LARS2: variants seen among roughly 807,000 people sequenced by gnomAD.
LARS2 encodes leucine--tRNA ligase, mitochondrial.
Under a neutral mutation model 116.6 loss-of-function variants are expected in LARS2, and 81 were observed. That is an observed-to-expected ratio of 0.69 (90% CI 0.58 to 0.84). The LOEUF (loss-of-function observed/expected upper bound fraction) is 0.84, where lower values mean the gene tolerates loss of function less well. Ranked by LOEUF, LARS2 falls within the 40% of genes least tolerant of loss-of-function variation. The pLI is 0.00. For synonymous variants in LARS2, 396 were observed against 407.2 expected (o/e 0.97, Z 0.33); for missense variants, 968 against 1,114.5 (o/e 0.87, Z 1.87).
At position 45,539,725 on chromosome 3, in the gene LARS2, A is replaced by T. The variant is rs961208614; in HGVS notation, c.2405-2104A>T. Among the ~76,000 whole-genome samples, 5 of 152,022 alleles carry T rather than the reference A, an allele frequency of 3.3e-5. No homozygotes were observed. In the East Asian group the frequency reaches 9.6e-4, roughly 29 times the overall value. ...CCAATGTTATTACTATTTTATTGCA[A>T]CTGATATTATTACTATTTCCTTCCA... On this transcript the variant is annotated intron_variant, in intron 20 of 21. Coordinates refer to ENST00000645846, the MANE Select transcript of LARS2 (RefSeq NM_015340.4).
chr3:45,496,825 C>A (rs1364862903), intron 14 of LARS2, among the ~76,000 whole-genome samples: 2 of 152,260 alleles, frequency 1.3e-5, no homozygotes, highest in African/African-American at 4.8e-5. Context: ...CACCTCGGAA[C>A]AGGCTCTCTT....
intron 12 of LARS2, among the ~76,000 whole-genome samples, chr3:45,490,776 G>A (rs560966007): frequency 3.9e-5 from 6 of 152,272 alleles, no homozygotes; most frequent in South Asian, 4.2e-4. Flanking sequence ...GAGGGTACCC[G>A]CAATCCAGGT....
At chr3:45,395,992 C>T (rs1338757770) in intron 3 of LARS2, among the ~76,000 whole-genome samples, 1 of 152,176 alleles carries the variant, frequency 6.6e-6, no homozygotes, top group Non-Finnish European at 1.5e-5. Flanking sequence ...AAAACAAACT[C>T]TTAAGGAGCA....
chr3:45,478,877 T>A (rs1699656021), intron 10 of LARS2, among the ~76,000 whole-genome samples: 1 of 152,218 alleles, frequency 6.6e-6, no homozygotes, highest in Non-Finnish European at 1.5e-5. Context: ...TCCCAAAAGA[T>A]GAATTCAGAT....
At chr3:45,456,475 C>T (rs1353323509) in intron 7 of LARS2, among the ~76,000 whole-genome samples, 3 of 152,064 alleles carry the variant, frequency 2.0e-5, no homozygotes, top group East Asian at 1.9e-4. Flanking sequence ...CCCCGCTACT[C>T]GGGAGGCTGA....
chr3:45,534,664 A>G lies in LARS2; in HGVS notation c.2405-7165A>G, dbSNP rs192461343. On this transcript the variant is annotated intron_variant, in intron 20 of 21. Transcript: ENST00000645846. ...AAAGAGCAACAGAATTGAGATCTAT[A>G]TCTTAAGGGAGATGTGAAGTCCTCT... Among the ~76,000 whole-genome samples, 434 of 152,318 alleles carry G rather than the reference A, an allele frequency of 2.8e-3. 2 individuals are homozygous for G. The highest frequency in any genetic ancestry group is 9.8e-3 in the African/African-American group (409 of 41,576).
intron 15 of LARS2, among the ~76,000 whole-genome samples, chr3:45,501,919 A>G (rs1303085508): frequency 6.6e-6 from 1 of 151,132 alleles, no homozygotes; most frequent in Non-Finnish European, 1.5e-5. Context: ...ATTTCAAGAC[A>G]CCGATTTTTT....
At chr3:45,412,208 G>T (rs1229020723) in intron 4 of LARS2, among the ~76,000 whole-genome samples, 1 of 152,138 alleles carries the variant, frequency 6.6e-6, no homozygotes, top group East Asian at 1.9e-4. Flanking sequence ...TATATACCCA[G>T]TAATGGGATT....
At chr3:45,471,066 A>G (rs28652703) in intron 8 of LARS2, among the ~76,000 whole-genome samples, 4 of 116,000 alleles carry the variant, frequency 3.4e-5, no homozygotes, top group East Asian at 2.8e-4. Flanking sequence ...AAAAAAAAAA[A>G]AAGAAGGATA....
At chr3:45,430,575 C>T (rs1305172517) in intron 6 of LARS2, among the ~76,000 whole-genome samples, 6 of 140,356 alleles carry the variant, frequency 4.3e-5, no homozygotes, top group Non-Finnish European at 7.6e-5. Flanking sequence ...CCACTGCGCC[C>T]GGCCAATCTT....
chr3:45,499,056 G>A lies in LARS2; in HGVS notation c.1623-1386G>A, dbSNP rs188909971. Reference sequence around the variant, plus strand: ...CATGTGTAATCCCATAACTTGGGGAGGCCGAGGCAGGAAGATGACTTGAGG... The same window carrying A: ...CATGTGTAATCCCATAACTTGGGGAAGCCGAGGCAGGAAGATGACTTGAGG... On this transcript the variant is annotated intron_variant, in intron 14 of 21. Transcript: ENST00000645846. Among the ~76,000 whole-genome samples the A allele has an allele frequency of 1.1e-3, 174 of 152,274 alleles. 1 individual carries two copies. The South Asian group carries it at 0.016, about 14-fold the overall frequency.
At chr3:45,508,615 A>G (rs1312953317) in intron 15 of LARS2, among the ~76,000 whole-genome samples, 2 of 152,008 alleles carry the variant, frequency 1.3e-5, no homozygotes, top group African/African-American at 4.8e-5. Flanking sequence ...CCACTCTCGC[A>G]CCAGGTCAGG....
intron 5 of LARS2, among the ~76,000 whole-genome samples, chr3:45,417,820 C>T (rs1217546353): frequency 3.3e-5 from 5 of 151,976 alleles, no homozygotes; most frequent in East Asian, 1.9e-4. Flanking sequence ...AGTTATTTTT[C>T]CTTCGAGTAT....
chr3:45,400,148 G>A (rs1439767623), intron 3 of LARS2, 97 bp from the exon 4 acceptor site: 2 of 1,158,998 alleles, frequency 1.7e-6, no homozygotes, highest in Non-Finnish European at 2.4e-6. Flanking sequence ...CTTTTAAAAT[G>A]TTAAATTATT....
intron 6 of LARS2, among the ~76,000 whole-genome samples, chr3:45,446,385 T>C (rs949399740): frequency 6.6e-6 from 1 of 152,174 alleles, no homozygotes; most frequent in Non-Finnish European, 1.5e-5. Context: ...ATTCACATAA[T>C]GGAATAAATG....
At chr3:45,435,617 A>C (rs1311791968) in intron 6 of LARS2, among the ~76,000 whole-genome samples, 2 of 146,274 alleles carry the variant, frequency 1.4e-5, no homozygotes. Context: ...CTTCCTTCCT[A>C]CCTTTTCTGT....
At chr3:45,513,105 CT>C in intron 15 of LARS2, 29 bp from the exon 16 acceptor site, 1 of 1,442,530 alleles carries the variant, frequency 6.9e-7, no homozygotes, top group Non-Finnish European at 9.8e-7. Context: ...CCCACTCCTC[CT>C]GTTTTCTTTT....
At chr3:45,401,346 A>G (rs937135445) in intron 4 of LARS2, among the ~76,000 whole-genome samples, 1 of 151,998 alleles carries the variant, frequency 6.6e-6, no homozygotes, top group East Asian at 2.0e-4. Context: ...CACAAAAAAT[A>G]CAAAAAATTA....
chr3:45,473,607 C>T (rs1307511103), intron 8 of LARS2, among the ~76,000 whole-genome samples: 2 of 151,510 alleles, frequency 1.3e-5, no homozygotes, highest in African/African-American at 4.8e-5. Flanking sequence ...TGGTCTCAAA[C>T]ACCTGACCTC....
Sources: gnomAD v4.1 joint callset for allele counts (sites outside exome capture counted in the v4.1 genomes callset) on GRCh38, gnomAD v4.1.1 for gene constraint, MANE v1.5 for transcripts, NCBI Gene and HGNC (gene_info 2026-07-23, HGNC 2026-07-21) for gene names.